The following LTV1 variants were observed in gnomAD, a reference collection of about 807,000 sequenced individuals.
LTV1 encodes the protein LTV1 ribosome biogenesis factor, also known as protein LTV1 homolog.
LTV1 carries 39 observed loss-of-function variants against 59.9 expected under a neutral mutation model. That is an observed-to-expected ratio of 0.65 (90% CI 0.50 to 0.85). LTV1 has a LOEUF of 0.85. Ranked by LOEUF, LTV1 falls within the 40% of genes least tolerant of loss-of-function variation. The probability of loss-of-function intolerance (pLI) is 0.00; values close to 1 mark genes in which losing one functional copy is unlikely to be tolerated. For missense variants in LTV1, 493 were observed against 549.1 expected (o/e 0.90, Z 1.02); for synonymous variants, 171 against 189.5 (o/e 0.90, Z 0.80).
At chr6:143,844,900 G>A (rs972580375) in intron 2 of LTV1, among the ~76,000 whole-genome samples, 1 of 152,116 alleles carries the variant, frequency 6.6e-6, no homozygotes, top group Non-Finnish European at 1.5e-5. Context: ...AGTACAATTG[G>A]TGATTTTTAC....
At chr6:143,845,957 A>C in intron 2 of LTV1, 94 bp from the exon 3 acceptor site, 1 of 1,208,472 alleles carries the variant, frequency 8.3e-7, no homozygotes, top group Non-Finnish European at 1.2e-6. Flanking sequence ...AGCTGTACTC[A>C]TTGTAATATT....
In LTV1 at chr6:143,861,791, C is replaced by T. The variant is rs192793133; in HGVS notation, c.924-313C>T. 7.2e-5 allele frequency among the ~76,000 whole-genome samples: 11 copies of T among 152,096 alleles called. No homozygotes were observed. The East Asian group carries it at 1.5e-3, about 21-fold the overall frequency. On this transcript the variant is annotated intron_variant, in intron 7 of 10. Coordinates refer to ENST00000367576, the MANE Select transcript of LTV1 (RefSeq NM_032860.5). ...AAGCTATATAGTTGAGTGAAATATTCGAATACTTTGCAGAGACAGATGAGT... is the reference window on the plus strand; with the variant it reads ...AAGCTATATAGTTGAGTGAAATATTTGAATACTTTGCAGAGACAGATGAGT...
At chr6:143,861,960 A>G (rs1777171315) in intron 7 of LTV1, 144 bp from the exon 8 acceptor site, 3 of 741,246 alleles carry the variant, frequency 4.0e-6, no homozygotes, top group East Asian at 2.9e-5. Flanking sequence ...AGAGTTTGAC[A>G]GAAAATAACG....
Position 143,850,087 on chromosome 6 carries a change from G to C in LTV1, c.310-44G>C, listed in dbSNP as rs781615532. On this transcript the variant is annotated intron_variant, in intron 3 of 10. Transcript: ENST00000367576. ...TTCAACCCGGTACACTAGTTAAGAAGAATTTCCAAATAAACCTAACCATTG... is the reference window on the plus strand; with the variant it reads ...TTCAACCCGGTACACTAGTTAAGAACAATTTCCAAATAAACCTAACCATTG... 62 of 1,515,810 alleles carry C rather than the reference G, an allele frequency of 4.1e-5. 1 individual carries two copies. Among genetic ancestry groups the C allele is most frequent in the Non-Finnish European group, 5.7e-5 (62 of 1,092,962 alleles). 93.9% of individuals were successfully genotyped at this position (1,515,810 alleles called of 1,614,324 possible).
At chr6:143,845,923 G>T in intron 2 of LTV1, 128 bp from the exon 3 acceptor site, 1 of 743,656 alleles carries the variant, frequency 1.3e-6, no homozygotes. Flanking sequence ...AAATGTTCAT[G>T]TGCCATCTGC....
At chr6:143,859,155 T>G (rs1777124056) in intron 6 of LTV1, among the ~76,000 whole-genome samples, 1 of 152,230 alleles carries the variant, frequency 6.6e-6, no homozygotes, top group Non-Finnish European at 1.5e-5. Context: ...TTTTCAGACA[T>G]AACTAACACT....
At chr6:143,852,438 A>G (rs1162385599) in intron 4 of LTV1, among the ~76,000 whole-genome samples, 1 of 151,680 alleles carries the variant, frequency 6.6e-6, no homozygotes, top group Non-Finnish European at 1.5e-5. Context: ...TTTCTTGTAA[A>G]TTTAAGTTCT....
At position 143,860,498 on chromosome 6, in the gene LTV1, G is replaced by A; in HGVS notation, c.868G>A (p.Asp290Asn). Reference sequence around the variant, plus strand: ...AGAATTGGAAGGTTCTATTCAAGTGGACAGCAATCGCTTACAGGAAGTTTT... The same window carrying A: ...AGAATTGGAAGGTTCTATTCAAGTGAACAGCAATCGCTTACAGGAAGTTTT... Reference protein sequence around the residue: ...NAELEGSIQVDSNRLQEVLND... With the variant: ...NAELEGSIQVNSNRLQEVLND... The change falls in exon 7 of 11, where the codon GAC becomes AAC. Residue 290 changes from aspartate (D) to asparagine (N), a missense_variant. By Grantham distance (23) the Asp-to-Asn change is conservative (BLOSUM62 1). Transcript: ENST00000367576. The A allele has an allele frequency of 6.2e-7, 1 of 1,613,680 alleles. No homozygotes were observed. Among genetic ancestry groups the A allele is most frequent in the East Asian group, 2.2e-5 (1 of 44,772 alleles).
At chr6:143,854,607 A>G (rs1408972007) in intron 4 of LTV1, among the ~76,000 whole-genome samples, 4 of 152,084 alleles carry the variant, frequency 2.6e-5, no homozygotes, top group African/African-American at 9.7e-5. Context: ...CCCCTTAAAC[A>G]CTGCTTTAGC....
intron 3 of LTV1, among the ~76,000 whole-genome samples, chr6:143,849,797 G>A (rs1562329709): frequency 6.6e-6 from 1 of 152,094 alleles, no homozygotes; most frequent in African/African-American, 2.4e-5. Flanking sequence ...TTTTCTTGGG[G>A]GCTTAGAGGG....
At chr6:143,860,629 T>C in intron 7 of LTV1, 76 bp downstream of exon 7, 2 of 1,277,398 alleles carry the variant, frequency 1.6e-6, no homozygotes, top group Non-Finnish European at 2.1e-6. Context: ...AGGTCTATAG[T>C]ATAACTGAAT....
chr6:143,862,004 T>C lies in LTV1; in HGVS notation c.924-100T>C, dbSNP rs1777172033. ...ACTGGAATATGTGCATTTAAAACAT[T>C]GGTTTTTCCACAGCTAAAAATTGCA... is the stretch of plus-strand genomic sequence containing the variant. On this transcript the variant is annotated intron_variant, in intron 7 of 10. Coordinates refer to ENST00000367576, the MANE Select transcript of LTV1 (RefSeq NM_032860.5). The surrounding 1 kb of genome is among the most constrained non-coding windows in gnomAD (Gnocchi z 4.2). 8 of 1,153,718 alleles carry C rather than the reference T, an allele frequency of 6.9e-6. No homozygotes were observed. The South Asian group carries it at 1.2e-4, about 17-fold the overall frequency. 71.5% of individuals were successfully genotyped at this position (1,153,718 alleles called of 1,614,324 possible).
intron 4 of LTV1, among the ~76,000 whole-genome samples, chr6:143,850,766 T>C (rs1207498291): frequency 1.3e-5 from 2 of 152,226 alleles, no homozygotes. Context: ...CATTCATTAA[T>C]TAATTTATTG....
intron 7 of LTV1, among the ~76,000 whole-genome samples, chr6:143,861,299 G>A (rs1281175990): frequency 2.6e-5 from 4 of 151,872 alleles, no homozygotes; most frequent in African/African-American, 9.7e-5. Context: ...CAGGCTGGGC[G>A]TGGTGGTGTA....
intron 7 of LTV1, among the ~76,000 whole-genome samples, chr6:143,861,216 A>T (rs1777159114): frequency 6.6e-6 from 1 of 151,772 alleles, no homozygotes; most frequent in Non-Finnish European, 1.5e-5. Context: ...TTTTTTTTTA[A>T]CTTTTATTTA....
At chr6:143,846,654 A>G (rs1253963712) in intron 3 of LTV1, among the ~76,000 whole-genome samples, 5 of 152,210 alleles carry the variant, frequency 3.3e-5, no homozygotes, top group African/African-American at 9.6e-5. Flanking sequence ...GAATGAGTGG[A>G]TGATAATAAC....
intron 3 of LTV1, among the ~76,000 whole-genome samples, chr6:143,848,498 G>A (rs748263985): frequency 6.6e-6 from 1 of 152,168 alleles, no homozygotes; most frequent in Non-Finnish European, 1.5e-5. Context: ...GCTCCTCAGA[G>A]GCTTCCAATT....
At chr6:143,849,414 G>A (rs369157475) in intron 3 of LTV1, among the ~76,000 whole-genome samples, 1 of 152,164 alleles carries the variant, frequency 6.6e-6, no homozygotes, top group South Asian at 2.1e-4. Context: ...AAGAAACTCT[G>A]GGATTTGAAT....
chr6:143,859,078 A>G (rs1289332372), intron 6 of LTV1, among the ~76,000 whole-genome samples: 3 of 152,206 alleles, frequency 2.0e-5, no homozygotes, highest in Non-Finnish European at 4.4e-5. Context: ...ATAAGATGCT[A>G]TATTTCTGAA....
Sources: gnomAD v4.1 joint callset for allele counts (sites outside exome capture counted in the v4.1 genomes callset) on GRCh38, gnomAD v4.1.1 for gene constraint, Gnocchi (gnomAD v3.1) non-coding constraint, MANE v1.5 for transcripts, NCBI Gene and HGNC (gene_info 2026-07-23, HGNC 2026-07-21) for gene names.